The following MVB12B variants were observed in gnomAD, a reference collection of about 807,000 sequenced individuals.
MVB12B encodes ESCRT-I complex subunit MVB12B.
Under a neutral mutation model 41.6 loss-of-function variants are expected in MVB12B, and 16 were observed. That is an observed-to-expected ratio of 0.38 (90% CI 0.26 to 0.58). The LOEUF is 0.58. MVB12B is among the 20% of genes least tolerant of loss of function. The pLI is 0.62. For synonymous variants in MVB12B, 133 were observed against 139.7 expected, an observed-to-expected ratio of 0.95 and a Z score of 0.34; for missense variants, 274 against 380.2, an observed-to-expected ratio of 0.72 and a Z score of 2.32.
chr9:126,337,128 G>A (rs1564278423), intron 1 of MVB12B, among the ~76,000 whole-genome samples: 3 of 152,236 alleles, frequency 2.0e-5, no homozygotes, highest in African/African-American at 7.2e-5. Flanking sequence ...GAACTTCCTC[G>A]CAGCCACAGC....
At chr9:126,374,603 A>G (rs1419088532) in intron 2 of MVB12B, among the ~76,000 whole-genome samples, 1 of 152,214 alleles carries the variant, frequency 6.6e-6, no homozygotes, top group Non-Finnish European at 1.5e-5. Flanking sequence ...ACTGGCAGCC[A>G]CCATCCCAGG....
At chr9:126,368,011 T>A (rs1374650818) in intron 2 of MVB12B, among the ~76,000 whole-genome samples, 1 of 152,220 alleles carries the variant, frequency 6.6e-6, no homozygotes, top group African/African-American at 2.4e-5. Flanking sequence ...TGATGGCACA[T>A]GCTGGGGAGG....
In MVB12B at chr9:126,333,843, TTCCATCCATCCATCCA is replaced by T. The variant is rs59801697; in HGVS notation, c.82-6635_82-6620del. On this transcript the variant is annotated intron_variant, in intron 1 of 9. Coordinates refer to ENST00000361171, the MANE Select transcript of MVB12B (RefSeq NM_033446.3). The surrounding 1 kb of genome is among the most constrained non-coding windows in gnomAD (Gnocchi z 4.7). ...CCATGGAAGATTACCTTTAGGTTCA[TTCCATCCATCCATCCA>T]TCCATCCATCCATCCATCCATCCAT... Among the ~76,000 whole-genome samples, 19 of 149,668 alleles carry T rather than the reference TTCCATCCATCCATCCA, an allele frequency of 1.3e-4. No homozygotes were observed. Among genetic ancestry groups the T allele is most frequent in the East Asian group, 2.0e-4 (1 of 5,038 alleles).
intron 2 of MVB12B, among the ~76,000 whole-genome samples, chr9:126,348,441 T>G (rs530766500): frequency 1.3e-5 from 2 of 152,312 alleles, no homozygotes; most frequent in Non-Finnish European, 2.9e-5. Context: ...GGTGATCCTC[T>G]TAGAAATAGT....
At chr9:126,381,479 C>G (rs985056632) in intron 3 of MVB12B, among the ~76,000 whole-genome samples, 1 of 152,160 alleles carries the variant, frequency 6.6e-6, no homozygotes, top group Non-Finnish European at 1.5e-5. Context: ...GGTAGTGCGG[C>G]AGTGAGAGTT....
At chr9:126,363,142 A>G (rs1830070161) in intron 2 of MVB12B, among the ~76,000 whole-genome samples, 1 of 151,962 alleles carries the variant, frequency 6.6e-6, no homozygotes. Context: ...AGCCGAGATT[A>G]CACCATTGCA....
intron 6 of MVB12B, among the ~76,000 whole-genome samples, chr9:126,412,025 G>T (rs953049773): frequency 1.3e-5 from 2 of 152,126 alleles, no homozygotes; most frequent in Non-Finnish European, 2.9e-5. Context: ...TGAGCATATG[G>T]TCTTTAAGAA....
chr9:126,348,062 G>C (rs558751330), intron 2 of MVB12B, among the ~76,000 whole-genome samples: 2 of 152,228 alleles, frequency 1.3e-5, no homozygotes, highest in African/African-American at 4.8e-5. Flanking sequence ...CTTTGCTATC[G>C]TGGGGCTACT....
chr9:126,366,422 A>G (rs556027587), intron 2 of MVB12B, among the ~76,000 whole-genome samples: 6 of 152,254 alleles, frequency 3.9e-5, no homozygotes, highest in African/African-American at 9.6e-5. Context: ...AAAAAGCACA[A>G]GGAAGAAAAT....
chr9:126,413,948 T>C (rs1682335848), intron 6 of MVB12B, among the ~76,000 whole-genome samples: 1 of 152,062 alleles, frequency 6.6e-6, no homozygotes, highest in South Asian at 2.1e-4. Flanking sequence ...CCTTTGACAG[T>C]CTGGGAGGAC....
intron 6 of MVB12B, among the ~76,000 whole-genome samples, chr9:126,399,884 C>T (rs1831221050): frequency 6.6e-6 from 1 of 152,244 alleles, no homozygotes; most frequent in South Asian, 2.1e-4. Context: ...ATCTCCTCTA[C>T]AGCCAGAACA....
At chr9:126,426,576 T>G (rs1226923623) in intron 7 of MVB12B, among the ~76,000 whole-genome samples, 1 of 148,560 alleles carries the variant, frequency 6.7e-6, no homozygotes, top group Non-Finnish European at 1.5e-5. Flanking sequence ...GCACCCTACC[T>G]TTTTTTTTTC....
At chr9:126,490,960 A>G (rs1022952137) in intron 9 of MVB12B, among the ~76,000 whole-genome samples, 1 of 152,236 alleles carries the variant, frequency 6.6e-6, no homozygotes, top group African/African-American at 2.4e-5. Flanking sequence ...CAGTTCCCAA[A>G]TGACTAGAGA....
chr9:126,438,644 G>A (rs10283537), intron 7 of MVB12B, among the ~76,000 whole-genome samples: 32,062 of 152,160 alleles, frequency 0.21, 4,034 homozygotes, highest in South Asian at 0.29. Context: ...CTGAGGGACT[G>A]TCACCTTGAT....
At chr9:126,353,445 G>A (rs941258882) in intron 2 of MVB12B, among the ~76,000 whole-genome samples, 1 of 152,110 alleles carries the variant, frequency 6.6e-6, no homozygotes, top group East Asian at 1.9e-4. Context: ...TAGTTTGATG[G>A]TGACCTTGGT....
At chr9:126,350,927 G>C (rs774348503) in intron 2 of MVB12B, among the ~76,000 whole-genome samples, 2 of 152,164 alleles carry the variant, frequency 1.3e-5, no homozygotes, top group Non-Finnish European at 2.9e-5. Context: ...CAAAAAACTT[G>C]TTGGGGTTTT....
In MVB12B at chr9:126,333,165, C is replaced by A. The variant is rs1231289352; in HGVS notation, c.81+6155C>A. Among the ~76,000 whole-genome samples, 1 of 152,134 alleles carries A rather than the reference C, an allele frequency of 6.6e-6. No individual in the cohort carries two copies. Among genetic ancestry groups the A allele is most frequent in the African/African-American group, 2.4e-5 (1 of 41,404 alleles). Reference sequence around the variant, plus strand: ...GCAGTGGTGCAATCTTGGCTCACTGCAACCTCCGCCACCCAGGTTCAAGTG... The same window carrying A: ...GCAGTGGTGCAATCTTGGCTCACTGAAACCTCCGCCACCCAGGTTCAAGTG... On this transcript the variant is annotated intron_variant, in intron 1 of 9. Coordinates refer to ENST00000361171, the MANE Select transcript of MVB12B (RefSeq NM_033446.3). This position sits in a 1 kb window ranked among gnomAD's most constrained non-coding sequence, Gnocchi z 4.7.
intron 2 of MVB12B, among the ~76,000 whole-genome samples, chr9:126,349,991 C>T (rs763404950): frequency 2.6e-5 from 4 of 152,180 alleles, no homozygotes; most frequent in African/African-American, 9.6e-5. Context: ...ACATCTTTTC[C>T]AGCATTTGTT....
At chr9:126,410,177 G>A (rs1156416918) in intron 6 of MVB12B, among the ~76,000 whole-genome samples, 2 of 149,448 alleles carry the variant, frequency 1.3e-5, no homozygotes, top group South Asian at 2.1e-4. Flanking sequence ...GTGTGTGCAC[G>A]CATGCACGCG....
Sources: allele counts gnomAD v4.1 joint callset (sites outside exome capture counted in the v4.1 genomes callset), GRCh38; gene constraint gnomAD v4.1.1; non-coding constraint Gnocchi (gnomAD v3.1); transcripts MANE v1.5; gene names NCBI Gene and HGNC (gene_info 2026-07-23, HGNC 2026-07-21).